Variants in FBXL7 observed in about 807,000 individuals in gnomAD.
FBXL7 encodes the protein F-box/LRR-repeat protein 7.
In FBXL7, 12 loss-of-function variants were observed where a neutral mutation model predicts 38.3. That is an observed-to-expected ratio of 0.31 (90% CI 0.20 to 0.51). FBXL7 has a LOEUF of 0.51. Ranked by LOEUF, FBXL7 falls within the 20% of genes least tolerant of loss-of-function variation. The pLI is 0.98. For missense variants in FBXL7, 567 were observed against 676.4 expected (o/e 0.84, Z 1.79); for synonymous variants, 297 against 300.9 (o/e 0.99, Z 0.13).
chr5:15,860,659 C>A (rs1318224969), intron 2 of FBXL7, among the ~76,000 whole-genome samples: 3 of 152,142 alleles, frequency 2.0e-5, no homozygotes, highest in Admixed American at 1.3e-4. Context: ...TTTCCCTTAA[C>A]CTGGCTTTTT....
At chr5:15,513,277 G>A (rs1037337598) in intron 1 of FBXL7, among the ~76,000 whole-genome samples, 1 of 151,232 alleles carries the variant, frequency 6.6e-6, no homozygotes, top group African/African-American at 2.4e-5. Flanking sequence ...TTTTCTATCT[G>A]TGGTAAGAAA....
At chr5:15,751,866 T>G (rs910755933) in intron 2 of FBXL7, among the ~76,000 whole-genome samples, 1 of 152,140 alleles carries the variant, frequency 6.6e-6, no homozygotes, top group Admixed American at 6.5e-5. Flanking sequence ...GCATAATAAT[T>G]ACCCAGCAGC....
intron 1 of FBXL7, among the ~76,000 whole-genome samples, chr5:15,539,737 C>T (rs1260605951): frequency 1.3e-5 from 2 of 151,722 alleles, no homozygotes; most frequent in Non-Finnish European, 2.9e-5. Flanking sequence ...TTTTTTTCCC[C>T]CTAATTAAAA....
chr5:15,823,955 T>G (rs1738238721), intron 2 of FBXL7, among the ~76,000 whole-genome samples: 1 of 152,034 alleles, frequency 6.6e-6, no homozygotes, highest in South Asian at 2.1e-4. Context: ...TCCTAGCACT[T>G]GATCTGGAAA....
chr5:15,726,951 G>A (rs1388450379), intron 2 of FBXL7, among the ~76,000 whole-genome samples: 1 of 151,244 alleles, frequency 6.6e-6, no homozygotes, highest in Non-Finnish European at 1.5e-5. Context: ...GATTTTTTGT[G>A]GTGTAATGTT....
intron 2 of FBXL7, among the ~76,000 whole-genome samples, chr5:15,649,344 A>G (rs1475575624): frequency 6.6e-6 from 1 of 152,164 alleles, no homozygotes; most frequent in East Asian, 1.9e-4. Flanking sequence ...GACATTGGAA[A>G]TCTAATATGC....
Position 15,621,321 on chromosome 5 carries a change from T to C in FBXL7, c.127+5249T>C, listed in dbSNP as rs141256582. 4.7e-3 allele frequency among the ~76,000 whole-genome samples: 719 copies of C among 152,286 alleles called. 5 individuals carry two copies. Among genetic ancestry groups the C allele is most frequent in the African/African-American group, 0.017 (699 of 41,544 alleles). On this transcript the variant is annotated intron_variant, in intron 2 of 3. Coordinates refer to ENST00000504595, the MANE Select transcript of FBXL7 (RefSeq NM_012304.5). ...GGTTCCAGTGTAGAAGGCTGGAAAT[T>C]TTCCATTTTTTCCCAACATAATCTA...
intron 2 of FBXL7, among the ~76,000 whole-genome samples, chr5:15,803,309 A>G (rs1478900312): frequency 6.6e-6 from 1 of 152,162 alleles, no homozygotes; most frequent in Non-Finnish European, 1.5e-5. Context: ...GTTTACCCAC[A>G]TCACTCTGTC....
At chr5:15,555,802 GATA>G (rs1738211443) in intron 1 of FBXL7, among the ~76,000 whole-genome samples, 1 of 151,708 alleles carries the variant, frequency 6.6e-6, no homozygotes, top group Non-Finnish European at 1.5e-5. Context: ...TAGATAGATA[GATA>G]GATAGATAGA....
At chr5:15,894,749 CA>C (rs1254152173) in intron 2 of FBXL7, among the ~76,000 whole-genome samples, 1 of 151,880 alleles carries the variant, frequency 6.6e-6, no homozygotes, top group Non-Finnish European at 1.5e-5. Flanking sequence ...TATTAAGCCT[CA>C]AAAAAAGGTC....
At chr5:15,814,905 T>A (rs1737974428) in intron 2 of FBXL7, among the ~76,000 whole-genome samples, 1 of 152,168 alleles carries the variant, frequency 6.6e-6, no homozygotes, top group African/African-American at 2.4e-5. Flanking sequence ...GCTGTATGAA[T>A]GGCCCTGCAT....
intron 2 of FBXL7, among the ~76,000 whole-genome samples, chr5:15,780,074 G>A (rs1175416752): frequency 6.6e-6 from 1 of 152,124 alleles, no homozygotes. Context: ...TTGAAACATG[G>A]AGGGGCAAAG....
chr5:15,748,451 C>T (rs999308079), intron 2 of FBXL7, among the ~76,000 whole-genome samples: 1 of 152,128 alleles, frequency 6.6e-6, no homozygotes, highest in Admixed American at 6.6e-5. Context: ...GGGGTTTCCC[C>T]CATACTGTTC....
intron 2 of FBXL7, among the ~76,000 whole-genome samples, chr5:15,730,040 C>G (rs1431300473): frequency 4.6e-5 from 7 of 152,276 alleles, no homozygotes; most frequent in Non-Finnish European, 8.8e-5. Flanking sequence ...AAAACAACTG[C>G]AAAACATCTA....
At chr5:15,575,761 T>C (rs1738938790) in intron 1 of FBXL7, among the ~76,000 whole-genome samples, 1 of 152,242 alleles carries the variant, frequency 6.6e-6, no homozygotes, top group Non-Finnish European at 1.5e-5. Context: ...GTATTAAGTG[T>C]GTGTTTATGT....
chr5:15,753,450 G>C (rs554581647), intron 2 of FBXL7, among the ~76,000 whole-genome samples: 1 of 152,048 alleles, frequency 6.6e-6, no homozygotes, highest in Admixed American at 6.6e-5. Context: ...TACATCAAAG[G>C]CTCCAAAATA....
intron 1 of FBXL7, among the ~76,000 whole-genome samples, chr5:15,591,264 C>A (rs1484909561): frequency 6.6e-6 from 1 of 151,934 alleles, no homozygotes; most frequent in African/African-American, 2.4e-5. Context: ...TCTGTCTCTA[C>A]TAAAAATACA....
At chr5:15,681,679 TAAAAG>T (rs1332097413) in intron 2 of FBXL7, among the ~76,000 whole-genome samples, 2 of 152,214 alleles carry the variant, frequency 1.3e-5, no homozygotes, top group African/African-American at 4.8e-5. Context: ...TTTAGTCAGA[TAAAAG>T]AAGTTTCAAA....
At chr5:15,739,876 C>A (rs1219695933) in intron 2 of FBXL7, among the ~76,000 whole-genome samples, 1 of 152,202 alleles carries the variant, frequency 6.6e-6, no homozygotes, top group Non-Finnish European at 1.5e-5. Context: ...GTTTTCATTT[C>A]TCTTAGGTAT....
Sources: gnomAD v4.1 joint callset for allele counts (sites outside exome capture counted in the v4.1 genomes callset) on GRCh38, gnomAD v4.1.1 for gene constraint, MANE v1.5 for transcripts, NCBI Gene and HGNC (gene_info 2026-07-23, HGNC 2026-07-21) for gene names.